EPG5: variants seen among roughly 807,000 people sequenced by gnomAD.
EPG5 encodes ectopic P-granules 5 autophagy tethering factor, also known as ectopic P granules protein 5 homolog.
In EPG5, 159 loss-of-function variants were observed where a neutral mutation model predicts 302.7. The ratio of observed to expected loss-of-function variants is 0.53; its 90% CI spans 0.46 to 0.60. The LOEUF is 0.60. Ranked by LOEUF, EPG5 falls within the 20% of genes least tolerant of loss-of-function variation. EPG5 has a pLI of 0.00. For synonymous variants in EPG5, 1,158 were observed against 1,136.8 expected, an observed-to-expected ratio of 1.02 and a Z score of -0.37; for missense variants, 2,896 against 3,092.4, an observed-to-expected ratio of 0.94 and a Z score of 1.51.
chr18:45,909,766 A>G (rs2049847647), intron 23 of EPG5, among the ~76,000 whole-genome samples: 1 of 152,170 alleles, frequency 6.6e-6, no homozygotes, highest in South Asian at 2.1e-4. Context: ...AACCACACTT[A>G]AAGAGCCCTG....
At chr18:45,929,646 A>T (rs1210861302) in intron 12 of EPG5, among the ~76,000 whole-genome samples, 1 of 152,232 alleles carries the variant, frequency 6.6e-6, no homozygotes, top group Non-Finnish European at 1.5e-5. Flanking sequence ...ACTCCTGGTC[A>T]AAACACTGGA....
chr18:45,878,948 T>C (rs929226244), intron 33 of EPG5, 65 bp downstream of exon 33: 2 of 1,273,952 alleles, frequency 1.6e-6, no homozygotes, highest in African/African-American at 1.5e-5. Context: ...TTAATGTGCC[T>C]ATTTAAATCT....
chr18:45,859,186 G>T (rs998822065), intron 40 of EPG5, among the ~76,000 whole-genome samples: 3 of 152,206 alleles, frequency 2.0e-5, no homozygotes, highest in Non-Finnish European at 2.9e-5. Flanking sequence ...TATGCTTTCC[G>T]ACGGGAAACT....
At chr18:45,893,272 T>C (rs973861758) in intron 27 of EPG5, among the ~76,000 whole-genome samples, 1 of 152,154 alleles carries the variant, frequency 6.6e-6, no homozygotes, top group Non-Finnish European at 1.5e-5. Context: ...CTGTGAAGAT[T>C]AAGTTGGATA....
At chr18:45,816,264 T>C in the EPG5 span, among the ~76,000 whole-genome samples, 1 of 151,818 alleles carries the variant, frequency 6.6e-6, no homozygotes, top group Non-Finnish European at 1.5e-5. Flanking sequence ...CAAAAGTAAA[T>C]GCAATAAAAA....
In EPG5 at chr18:45,849,133, A is replaced by G. The variant is rs1012965911; in HGVS notation, c.*3334T>C. The G allele has an allele frequency of 2.0e-5, 3 of 151,868 alleles. No individual in the cohort carries two copies. Among genetic ancestry groups the G allele is most frequent in the African/African-American group, 7.3e-5 (3 of 41,338 alleles). 9.4% of individuals were successfully genotyped at this position (151,868 alleles called of 1,614,324 possible). A position where few individuals can be genotyped will look rare whatever the true frequency, so the allele number is the denominator to read the frequency against. The stretch of plus-strand genomic sequence containing the variant: ...GGGGGATTTAGCTTGGATTTAGCCT[A>G]AGAGGTGAGGGGTGGGGTGGAAGTG... On this transcript the variant is annotated 3_prime_UTR_variant, in exon 44 of 44. Transcript: ENST00000282041.
chr18:45,955,063 C>G lies in EPG5; in HGVS notation c.339G>C (p.Val113=), dbSNP rs748481509. Residue 113 remains valine (V), a synonymous_variant, in exon 2 of 44, where the codon GTG becomes GTC. Transcript: ENST00000282041. ...CCTTTGGAGTGACTGCACTGTCCCCCACACAGGGTCTGGCCTCTCCCCCTT... is the reference window on the plus strand; with the variant it reads ...CCTTTGGAGTGACTGCACTGTCCCCGACACAGGGTCTGGCCTCTCCCCCTT... ...PKEGGEARPC[V]GDSAVTPKVH... The G allele has an allele frequency of 6.2e-7, 1 of 1,614,118 alleles. No individual in the cohort carries two copies. The highest frequency in any genetic ancestry group is 1.1e-5 in the South Asian group (1 of 91,078).
chr18:45,886,116 G>A (rs979561539), intron 29 of EPG5, among the ~76,000 whole-genome samples: 1 of 152,172 alleles, frequency 6.6e-6, no homozygotes, highest in Admixed American at 6.5e-5. Context: ...CCCAGGGAAG[G>A]CAGAGTGACT....
chr18:45,829,203 C>T, the EPG5 span: 9 of 959,940 alleles, frequency 9.4e-6, no homozygotes, highest in Non-Finnish European at 1.1e-5. Flanking sequence ...GCCACACCCA[C>T]GCCACAGTCA....
intron 21 of EPG5, among the ~76,000 whole-genome samples, chr18:45,912,816 A>T (rs553571242): frequency 6.6e-6 from 1 of 152,188 alleles, no homozygotes; most frequent in South Asian, 2.1e-4. Context: ...AGCCGGGGAC[A>T]GTGGCTCACA....
Position 45,866,958 on chromosome 18 carries a change from T to C in EPG5, c.6461A>G (p.His2154Arg). 1 of 1,614,206 alleles carries C rather than the reference T, an allele frequency of 6.2e-7. No individual in the cohort carries two copies. Among genetic ancestry groups the C allele is most frequent in the Non-Finnish European group, 8.5e-7 (1 of 1,180,040 alleles). Residue 2154 changes from histidine to arginine, a missense_variant, in exon 38 of 44, where the codon CAT (histidine) becomes CGT (arginine). Around this residue, in one of 5 missense-constraint regions of EPG5, gnomAD observed 620 missense variants for 704.2 expected, o/e 0.88. Coordinates refer to ENST00000282041, the MANE Select transcript of EPG5 (RefSeq NM_020964.3). ...CTGGTACGACACAATATCCACAAGA[T>C]GCCATGAAAGTGAGCTTGTCTGTCC... ...LLGQTSSLSW[H>R]LVDIVSYQSV...
chr18:45,922,725 T>G, intron 15 of EPG5, 125 bp from the exon 16 acceptor site: 1 of 1,184,474 alleles, frequency 8.4e-7, no homozygotes, highest in Non-Finnish European at 1.2e-6. Flanking sequence ...CTTGCTGGTC[T>G]CCAATTAATG....
At chr18:45,867,155 G>C in intron 37 of EPG5, 148 bp from the exon 38 acceptor site, 1 of 642,290 alleles carries the variant, frequency 1.6e-6, no homozygotes. Context: ...ACTCGAGTTA[G>C]GAGTACTAGT....
At chr18:45,937,235 TAC>T (rs57593059) in intron 10 of EPG5, among the ~76,000 whole-genome samples, 61,047 of 135,864 alleles carry the variant, frequency 0.45, 14,776 homozygotes, top group Non-Finnish European at 0.57. Context: ...TACATATATA[TAC>T]ACACACACAC....
In EPG5 at chr18:45,908,531, T is replaced by C. The variant is rs370788710; in HGVS notation, c.4206-450A>G. Among the ~76,000 whole-genome samples, 5 of 152,298 alleles carry C rather than the reference T, an allele frequency of 3.3e-5. No homozygotes were observed. The East Asian group carries it at 9.6e-4, about 29-fold the overall frequency. On this transcript the variant is annotated intron_variant, in intron 23 of 43. Transcript: ENST00000282041. Reference sequence around the variant, plus strand: ...TTAAGAGCTATTTTAAACTTATGCATTGTAGGAATTTTCCAGCTTTAGGCT... The same window carrying C: ...TTAAGAGCTATTTTAAACTTATGCACTGTAGGAATTTTCCAGCTTTAGGCT...
intron 27 of EPG5, among the ~76,000 whole-genome samples, chr18:45,893,555 A>C (rs1490131070): frequency 6.6e-6 from 1 of 151,502 alleles, no homozygotes; most frequent in East Asian, 1.9e-4. Flanking sequence ...TCTGTCTAAA[A>C]AAAAAAAAAA....
intron 35 of EPG5, among the ~76,000 whole-genome samples, chr18:45,871,824 C>T (rs2048877453): frequency 2.0e-5 from 3 of 152,192 alleles, no homozygotes; most frequent in South Asian, 2.1e-4. Context: ...ATCAAAAGGG[C>T]ACAAAGTTTC....
At chr18:45,934,320 T>C (rs767020814) in intron 11 of EPG5, among the ~76,000 whole-genome samples, 1 of 151,960 alleles carries the variant, frequency 6.6e-6, no homozygotes, top group African/African-American at 2.4e-5. Flanking sequence ...TAAATAAATA[T>C]CCTGTAGTTT....
the EPG5 span, among the ~76,000 whole-genome samples, chr18:45,803,169 C>T: frequency 6.6e-6 from 1 of 152,176 alleles, no homozygotes; most frequent in South Asian, 2.1e-4. Context: ...AGACATTTCT[C>T]AGAGCAATGA....
Sources: allele counts gnomAD v4.1 joint callset (sites outside exome capture counted in the v4.1 genomes callset), GRCh38; gene constraint gnomAD v4.1.1; regional missense constraint gnomAD v4.1.1; transcripts MANE v1.5; gene names NCBI Gene and HGNC (gene_info 2026-07-23, HGNC 2026-07-21).